Variants in CHST8 observed in about 807,000 individuals in gnomAD.
CHST8 encodes carbohydrate sulfotransferase 8.
A neutral mutation model predicts 15.0 loss-of-function variants in CHST8; 10 were observed. That is an observed-to-expected ratio of 0.67 (90% CI 0.41 to 1.13). The LOEUF (loss-of-function observed/expected upper bound fraction) is 1.13. CHST8 is among the 50% of genes most tolerant of loss of function. CHST8 has a pLI of 0.00. For synonymous variants in CHST8, 259 were observed against 256.6 expected, an observed-to-expected ratio of 1.01 and a Z score of -0.09; for missense variants, 634 against 608.2, an observed-to-expected ratio of 1.04 and a Z score of -0.45.
rs777824048 is a variant in CHST8, at chr19:33,772,657, G to A, written c.869G>A (p.Arg290Gln). Residue 290 changes from arginine to glutamine, a missense_variant, in exon 5 of 5, where the codon CGG becomes CAG. Physicochemically the swap from Arg to Gln is conservative, Grantham distance 43. Transcript: ENST00000650847. ...HPVFGKAILA[R>Q]YRANASREAL... Reference sequence around the variant, plus strand: ...GTCTTCGGCAAGGCCATCCTGGCCCGGTACCGCGCCAATGCCTCTCGGGAG... The same window carrying A: ...GTCTTCGGCAAGGCCATCCTGGCCCAGTACCGCGCCAATGCCTCTCGGGAG... 1.9e-5 allele frequency: 30 copies of A among 1,613,914 alleles called. No individual in the cohort carries two copies. The South Asian group carries it at 2.6e-4, about 14-fold the overall frequency.
chr19:33,626,748 C>T (rs1025319667), intron 1 of CHST8, among the ~76,000 whole-genome samples: 6 of 150,794 alleles, frequency 4.0e-5, no homozygotes, highest in Admixed American at 4.0e-4. Context: ...GTACAGGCTG[C>T]AGAATTGTGA....
chr19:33,743,037 G>A (rs1295920635), intron 3 of CHST8, among the ~76,000 whole-genome samples: 1 of 152,182 alleles, frequency 6.6e-6, no homozygotes, highest in Non-Finnish European at 1.5e-5. Flanking sequence ...CTGGGCTGCA[G>A]AGGCATTCTG....
chr19:33,718,930 T>C (rs761280243), intron 3 of CHST8, among the ~76,000 whole-genome samples: 1 of 151,908 alleles, frequency 6.6e-6, no homozygotes, highest in Non-Finnish European at 1.5e-5. Flanking sequence ...CTGTTGCTAC[T>C]GAGAGGGAAG....
rs1428738154 is a variant in CHST8 at position 33,689,282 on chromosome 19, A to G, written c.21A>G (p.Thr7=). The G allele has an allele frequency of 1.2e-6, 2 of 1,602,524 alleles. No homozygotes were observed. The highest frequency in any genetic ancestry group is 1.7e-6 in the Non-Finnish European group (2 of 1,175,186). The stretch of plus-strand genomic sequence containing the variant: ...CCCGGATGACCCTGCGACCTGGAAC[A>G]ATGCGGCTGGCCTGCATGTTCTCTT... MTLRPG[T]MRLACMFSSI... Residue 7 remains threonine, a synonymous_variant, in exon 3 of 5, where the codon ACA becomes ACG. Coordinates refer to ENST00000650847, the MANE Select transcript of CHST8 (RefSeq NM_001127895.2).
At chr19:33,671,069 A>T (rs1204471283) in intron 2 of CHST8, among the ~76,000 whole-genome samples, 2 of 152,034 alleles carry the variant, frequency 1.3e-5, no homozygotes, top group Admixed American at 1.3e-4. Flanking sequence ...TTTCACTCAC[A>T]TATAACGAGC....
chr19:33,708,791 T>C (rs1973493200), intron 3 of CHST8, among the ~76,000 whole-genome samples: 1 of 152,224 alleles, frequency 6.6e-6, no homozygotes, highest in Non-Finnish European at 1.5e-5. Context: ...TTGATAGGAA[T>C]GGCATTGACT....
At chr19:33,639,157 G>T (rs1257213810) in intron 1 of CHST8, among the ~76,000 whole-genome samples, 1 of 151,554 alleles carries the variant, frequency 6.6e-6, no homozygotes, top group Non-Finnish European at 1.5e-5. Flanking sequence ...TTTGGCTGAG[G>T]AATAAACAAA....
chr19:33,707,036 G>A (rs1426844879), intron 3 of CHST8, among the ~76,000 whole-genome samples: 1 of 152,152 alleles, frequency 6.6e-6, no homozygotes, highest in Non-Finnish European at 1.5e-5. Flanking sequence ...GACTTTCTGG[G>A]GTCCACCCTG....
chr19:33,680,417 C>T (rs1972871644), intron 2 of CHST8, among the ~76,000 whole-genome samples: 1 of 152,182 alleles, frequency 6.6e-6, no homozygotes, highest in South Asian at 2.1e-4. Context: ...TGTGCTGCGG[C>T]TAAATCTGAG....
intron 3 of CHST8, among the ~76,000 whole-genome samples, chr19:33,740,315 G>A (rs1974161498): frequency 2.0e-5 from 3 of 152,154 alleles, no homozygotes; most frequent in African/African-American, 7.2e-5. Flanking sequence ...CAAGGCTGTG[G>A]GCATCGGTTT....
At chr19:33,715,503 G>A (rs944954999) in intron 3 of CHST8, among the ~76,000 whole-genome samples, 1 of 152,176 alleles carries the variant, frequency 6.6e-6, no homozygotes, top group Non-Finnish European at 1.5e-5. Context: ...AATTTCCTTG[G>A]GCCTGTCAGC....
intron 3 of CHST8, among the ~76,000 whole-genome samples, chr19:33,728,429 A>G (rs1973940907): frequency 6.6e-6 from 1 of 152,184 alleles, no homozygotes; most frequent in Admixed American, 6.5e-5. Context: ...ACCCCTCAAC[A>G]GTGATGTCTT....
intron 1 of CHST8, among the ~76,000 whole-genome samples, chr19:33,625,372 C>T (rs1021625410): frequency 6.6e-6 from 1 of 151,776 alleles, no homozygotes; most frequent in African/African-American, 2.4e-5. Context: ...TGAGCTACCG[C>T]GCCCCGCATG....
chr19:33,695,005 G>A (rs1973184201), intron 3 of CHST8, among the ~76,000 whole-genome samples: 2 of 151,316 alleles, frequency 1.3e-5, no homozygotes, highest in Admixed American at 1.3e-4. Flanking sequence ...GCCCGGGCTG[G>A]TGTATAGTCT....
chr19:33,764,085 C>T (rs914531885), intron 3 of CHST8, among the ~76,000 whole-genome samples: 12 of 152,336 alleles, frequency 7.9e-5, no homozygotes, highest in African/African-American at 2.6e-4. Context: ...AGCTGGGAGG[C>T]TCCAGCCAGA....
chr19:33,663,931 A>G (rs931485605), intron 1 of CHST8, among the ~76,000 whole-genome samples: 1 of 152,198 alleles, frequency 6.6e-6, no homozygotes, highest in East Asian at 1.9e-4. Flanking sequence ...CTGCTGGGAA[A>G]GATGTCTGAA....
chr19:33,724,789 C>T (rs1017122183), intron 3 of CHST8, among the ~76,000 whole-genome samples: 2 of 152,190 alleles, frequency 1.3e-5, no homozygotes, highest in African/African-American at 2.4e-5. Flanking sequence ...AGGCCCACTC[C>T]GGGTGGGCTG....
intron 3 of CHST8, among the ~76,000 whole-genome samples, chr19:33,713,924 T>C (rs1973608508): frequency 6.6e-6 from 1 of 152,006 alleles, no homozygotes; most frequent in Admixed American, 6.5e-5. Context: ...GGCTGAGGAG[T>C]GCAGGGCTGG....
chr19:33,757,457 A>AGAAG (rs1568358476), intron 3 of CHST8, among the ~76,000 whole-genome samples: 1 of 41,314 alleles, frequency 2.4e-5, no homozygotes, highest in African/African-American at 1.0e-4. Context: ...AAAGAAAGAA[A>AGAAG]GAAAGAAAGA....
Sources: gnomAD v4.1 joint callset for allele counts (sites outside exome capture counted in the v4.1 genomes callset) on GRCh38, gnomAD v4.1.1 for gene constraint, MANE v1.5 for transcripts, NCBI Gene and HGNC (gene_info 2026-07-23, HGNC 2026-07-21) for gene names.